The following KNTC1 variants were observed in gnomAD, a reference collection of about 807,000 sequenced individuals.
KNTC1 encodes kinetochore associated 1.
In KNTC1, 253 loss-of-function variants were observed where a neutral mutation model predicts 314.4. The ratio of observed to expected loss-of-function variants is 0.80; its 90% CI spans 0.73 to 0.89. The LOEUF (loss-of-function observed/expected upper bound fraction) is 0.89. Ranked by LOEUF, KNTC1 falls within the 40% of genes least tolerant of loss-of-function variation. The pLI is 0.00. For synonymous variants in KNTC1, 901 were observed against 901.4 expected (o/e 1.00, Z 0.01); for missense variants, 2,475 against 2,572.9 (o/e 0.96, Z 0.82).
At chr12:122,579,223 C>T (rs2137965858) in intron 31 of KNTC1, among the ~76,000 whole-genome samples, 1 of 150,992 alleles carries the variant, frequency 6.6e-6, no homozygotes, top group South Asian at 2.1e-4. Flanking sequence ...CGCCACTACG[C>T]CCGGCTAATT....
chr12:122,602,851 T>C lies in KNTC1; in HGVS notation c.4848T>C (p.Ser1616=), dbSNP rs1288875808. The change falls in exon 47 of 64, where the codon TCT becomes TCC. Residue 1616 remains serine (S), a synonymous_variant. Coordinates refer to ENST00000333479, the MANE Select transcript of KNTC1 (RefSeq NM_014708.6). ...TAGCTACAGAACTCAGTGAAGAATC[T>C]TTCCCAACATTGCTCTTAATTTCGA... ...KILSTELSEE[S]FPTLLLISKL... 6.2e-7 allele frequency: 1 copy of C among 1,612,606 alleles called. No homozygotes were observed. Among genetic ancestry groups the C allele is most frequent in the African/African-American group, 1.3e-5 (1 of 74,910 alleles).
intron 1 of KNTC1, among the ~76,000 whole-genome samples, chr12:122,528,920 G>A (rs1483361112): frequency 4.6e-5 from 7 of 152,084 alleles, no homozygotes; most frequent in Admixed American, 4.6e-4. Flanking sequence ...TCGACTTACT[G>A]CAACCTCCGC....
At chr12:122,625,092 C>T (rs1429790867) in intron 63 of KNTC1, among the ~76,000 whole-genome samples, 2 of 151,978 alleles carry the variant, frequency 1.3e-5, no homozygotes, top group African/African-American at 2.4e-5. Context: ...TTACCTAAAA[C>T]GTATATTCAC....
Position 122,539,662 on chromosome 12 carries a change from T to G in KNTC1, c.367-14T>G. 1 of 1,504,550 alleles carries G rather than the reference T, an allele frequency of 6.6e-7. No homozygotes were observed. The highest frequency in any genetic ancestry group is 1.3e-5 in the South Asian group (1 of 77,776). The allele number at this position is 1,504,550 out of a possible 1,614,324, so 93.2% of individuals were successfully genotyped here. On this transcript the variant is annotated splice_polypyrimidine_tract_variant and intron_variant, in intron 4 of 63. Transcript: ENST00000333479. ...TATGTTTAATTTTATTATTTGAAAT[T>G]AATTTGCATTTAGGCATTTGTTCAG... is the stretch of plus-strand genomic sequence containing the variant.
chr12:122,578,409 T>C (rs1020800534), intron 31 of KNTC1, among the ~76,000 whole-genome samples: 1 of 151,848 alleles, frequency 6.6e-6, no homozygotes, highest in Non-Finnish European at 1.5e-5. Context: ...GCTCAATAGT[T>C]GGGTTTTTTT....
chr12:122,575,558 G>A lies in KNTC1; in HGVS notation c.2398G>A (p.Val800Met), dbSNP rs1163233829. ...LSDTDLIFDA[V>M]LKIMYAAVVP... ...TCTTTTGTAGCTCATATTTGATGCCGTGCTCAAGATCATGTATGCGGCAGT... is the reference window on the plus strand; with the variant it reads ...TCTTTTGTAGCTCATATTTGATGCCATGCTCAAGATCATGTATGCGGCAGT... The change falls in exon 28 of 64, where the codon GTG becomes ATG. Residue 800 changes from valine (V) to methionine (M), a missense_variant. Coordinates refer to ENST00000333479, the MANE Select transcript of KNTC1 (RefSeq NM_014708.6). The A allele has an allele frequency of 8.8e-6, 14 of 1,590,748 alleles. No homozygotes were observed. Among genetic ancestry groups the A allele is most frequent in the East Asian group, 2.3e-5 (1 of 44,142 alleles).
intron 6 of KNTC1, among the ~76,000 whole-genome samples, chr12:122,542,749 AG>A (rs1304352774): frequency 4.0e-5 from 6 of 151,492 alleles, no homozygotes; most frequent in African/African-American, 1.5e-4. Flanking sequence ...GGGCAGCAAG[AG>A]CGAAACTCTG....
chr12:122,540,791 A>T (rs1384580776), intron 5 of KNTC1, among the ~76,000 whole-genome samples: 1 of 152,206 alleles, frequency 6.6e-6, no homozygotes, highest in African/African-American at 2.4e-5. Context: ...TTTCAAAAGA[A>T]GTTAACAATG....
intron 1 of KNTC1, among the ~76,000 whole-genome samples, chr12:122,528,936 G>A (rs1309365818): frequency 2.6e-5 from 4 of 152,044 alleles, no homozygotes; most frequent in Non-Finnish European, 5.9e-5. Context: ...TCCGCCTCCC[G>A]GGTTCAAGCA....
chr12:122,549,246 G>A (rs1354648500), intron 12 of KNTC1, among the ~76,000 whole-genome samples: 3 of 151,934 alleles, frequency 2.0e-5, no homozygotes, highest in South Asian at 2.1e-4. Context: ...TAGTAGAGAC[G>A]GGGTTTCACC....
At chr12:122,626,002 CT>C (rs968294802) in intron 63 of KNTC1, among the ~76,000 whole-genome samples, 1 of 151,454 alleles carries the variant, frequency 6.6e-6, no homozygotes, top group East Asian at 1.9e-4. Flanking sequence ...CATAAGATTA[CT>C]TTTTTTTTCA....
chr12:122,530,564 C>T (rs533374023), intron 2 of KNTC1, among the ~76,000 whole-genome samples: 105 of 151,652 alleles, frequency 6.9e-4, no homozygotes, highest in Middle Eastern at 3.4e-3. Flanking sequence ...GATTCTCGTG[C>T]CTCAGCCTCC....
chr12:122,585,310 C>T (rs11058840), intron 36 of KNTC1, among the ~76,000 whole-genome samples: 47,392 of 151,920 alleles, frequency 0.31, 8,878 homozygotes, highest in Admixed American at 0.4. Flanking sequence ...TCAAAGTGCT[C>T]GGATTACAGG....
chr12:122,617,809 A>G (rs1873930766), intron 57 of KNTC1, among the ~76,000 whole-genome samples: 1 of 152,212 alleles, frequency 6.6e-6, no homozygotes, highest in African/African-American at 2.4e-5. Flanking sequence ...TTTTGTGACC[A>G]TTTAACAGCG....
chr12:122,536,046 A>AC (rs1254339476), intron 3 of KNTC1, among the ~76,000 whole-genome samples: 5 of 147,614 alleles, frequency 3.4e-5, no homozygotes, highest in Admixed American at 1.4e-4. Flanking sequence ...GGCGCCCACC[A>AC]CCATGCCTGG....
In KNTC1 at chr12:122,547,453, T is replaced by A; in HGVS notation, c.855T>A (p.Pro285=). The change falls in exon 11 of 64, where the codon CCT becomes CCA. Residue 285 remains proline, a synonymous_variant. Transcript: ENST00000333479. ...LSLWDIYTLT[P]VWNWPSLHVE... ...TATGGGATATTTACACTCTAACTCC[T>A]GTATGGAACTGGCCCTCTCTTCACG... 6.2e-7 allele frequency: 1 copy of A among 1,613,048 alleles called. No individual in the cohort carries two copies.
intron 2 of KNTC1, among the ~76,000 whole-genome samples, chr12:122,533,259 C>T (rs1189805576): frequency 7.9e-5 from 12 of 151,468 alleles, no homozygotes; most frequent in Admixed American, 2.6e-4. Flanking sequence ...CTCTGCCTCT[C>T]GGGTTCAAGT....
Position 122,597,790 on chromosome 12 carries a change from A to G in KNTC1, c.4415A>G (p.Asn1472Ser), listed in dbSNP as rs761365330. The change falls in exon 44 of 64, where the codon AAC becomes AGC. Residue 1472 changes from asparagine (N) to serine (S), a missense_variant. Coordinates refer to ENST00000333479, the MANE Select transcript of KNTC1 (RefSeq NM_014708.6). Reference protein sequence around the residue: ...LQLFIETLLHNTNAGQGQGDA... With the variant: ...LQLFIETLLHSTNAGQGQGDA... ...CTCTTCATTGAAACGCTGCTCCACA[A>G]CACAAATGCCGGCCAAGGCCAGGGA... The G allele has an allele frequency of 1.9e-6, 3 of 1,613,890 alleles. No homozygotes were observed. The highest frequency in any genetic ancestry group is 1.7e-6 in the Non-Finnish European group (2 of 1,179,888).
At chr12:122,597,641 T>G (rs1188427163) in intron 43 of KNTC1, 90 bp from the exon 44 acceptor site, 1 of 1,032,364 alleles carries the variant, frequency 9.7e-7, no homozygotes, top group Admixed American at 1.9e-5. Flanking sequence ...ATTTCAACAA[T>G]GGAAGCATGT....
Sources: allele counts gnomAD v4.1 joint callset (sites outside exome capture counted in the v4.1 genomes callset), GRCh38; gene constraint gnomAD v4.1.1; transcripts MANE v1.5; gene names NCBI Gene and HGNC (gene_info 2026-07-23, HGNC 2026-07-21).